KCTD3: variants seen among roughly 807,000 people sequenced by gnomAD.
The protein encoded by KCTD3 is potassium channel tetramerization domain containing 3.
KCTD3 carries 41 observed loss-of-function variants against 85.8 expected under a neutral mutation model. The observed-to-expected ratio is 0.48, with a 90% CI of 0.37 to 0.62. KCTD3 has a LOEUF of 0.62. Ranked by LOEUF, KCTD3 falls within the 20% of genes least tolerant of loss-of-function variation. The pLI is 0.00. For synonymous variants in KCTD3, 338 were observed against 345.4 expected, an observed-to-expected ratio of 0.98 and a Z score of 0.24; for missense variants, 724 against 989.9, an observed-to-expected ratio of 0.73 and a Z score of 3.60.
intron 17 of KCTD3, 32 bp from the exon 18 acceptor site, chr1:215,620,025 C>T: frequency 6.7e-7 from 1 of 1,501,682 alleles, no homozygotes; most frequent in Middle Eastern, 1.8e-4. Context: ...AGAGTGAAAT[C>T]TGAACTGTCA....
chr1:215,579,961 G>A lies in KCTD3; in HGVS notation c.588G>A (p.Trp196Ter). 1 of 1,613,290 alleles carries A rather than the reference G, an allele frequency of 6.2e-7. No homozygotes were observed. The highest frequency in any genetic ancestry group is 8.5e-7 in the Non-Finnish European group (1 of 1,179,226). Residue 196 changes from tryptophan to a stop codon, truncating the protein, a stop_gained, in exon 8 of 18, where the codon TGG becomes TGA. Coordinates refer to ENST00000259154, the MANE Select transcript of KCTD3 (RefSeq NM_016121.5). LOFTEE classifies it high-confidence loss of function. ...KVLIVAGHHN[W>*]IVAAYAHFAV... The stretch of plus-strand genomic sequence containing the variant: ...TAATAGTAGCTGGCCATCACAACTG[G>A]ATTGTAGCTGCATATGCCCATTTTG...
In KCTD3 at chr1:215,575,972, A is replaced by C; in HGVS notation, c.255A>C (p.Leu85Phe). The C allele has an allele frequency of 6.8e-7, 1 of 1,469,244 alleles. No homozygotes were observed. The highest frequency in any genetic ancestry group is 9.4e-7 in the Non-Finnish European group (1 of 1,067,142). The allele number at this position is 1,469,244 out of a possible 1,614,324, so 91.0% of individuals were successfully genotyped here. The change falls in exon 4 of 18, where the codon TTA becomes TTC. Residue 85 changes from leucine (L) to phenylalanine (F), a missense_variant and splice_region_variant. Coordinates refer to ENST00000259154, the MANE Select transcript of KCTD3 (RefSeq NM_016121.5). ...TTCTTCGGACAAAAGAACTAGACTT[A>C]AGGTAAGAAATGCACTCTTTTTAAA... ...LNFLRTKELD[L>F]RGVSINVLRH...
Position 215,602,141 on chromosome 1 carries a change from T to TAAGC in KCTD3, c.1079_1080insAGCA (p.Tyr360Ter). 1.2e-6 allele frequency: 2 copies of TAAGC among 1,611,740 alleles called. No homozygotes were observed. ...TAATGATCTTCTTGTAACTGAACTG[T>TAAGC]ATCATGATCCTTCAAATGATGCTAT... On this transcript the variant is annotated stop_gained and frameshift_variant, in exon 12 of 18. Coordinates refer to ENST00000259154, the MANE Select transcript of KCTD3 (RefSeq NM_016121.5). LOFTEE classifies it high-confidence loss of function.
rs563893661 is a variant in KCTD3, at chr1:215,600,965, T to C, written c.934-902T>C. ...TTTTTTTTTTTTTTTGGATACCAAGTCTCACTCTGTTGCCCAGGCTGGAGT... is the reference window on the plus strand; with the variant it reads ...TTTTTTTTTTTTTTTGGATACCAAGCCTCACTCTGTTGCCCAGGCTGGAGT... On this transcript the variant is annotated intron_variant, in intron 10 of 17. Transcript: ENST00000259154. Among the ~76,000 whole-genome samples, 8 of 151,810 alleles carry C rather than the reference T, an allele frequency of 5.3e-5. No homozygotes were observed. In the East Asian group the frequency reaches 1.6e-3, roughly 30 times the overall value.
intron 1 of KCTD3, among the ~76,000 whole-genome samples, chr1:215,571,590 C>T (rs1659369871): frequency 6.6e-6 from 1 of 151,394 alleles, no homozygotes; most frequent in Non-Finnish European, 1.5e-5. Flanking sequence ...CTTTTCCTTA[C>T]AAATTGTAAA....
chr1:215,616,482 C>T (rs369520649), intron 15 of KCTD3, among the ~76,000 whole-genome samples: 30 of 152,212 alleles, frequency 2.0e-4, no homozygotes, highest in Admixed American at 1.2e-3. Flanking sequence ...ACTTCCAGGC[C>T]GGGTGCGGTG....
intron 13 of KCTD3, among the ~76,000 whole-genome samples, chr1:215,606,415 C>G (rs1204562730): frequency 6.6e-6 from 1 of 152,014 alleles, no homozygotes; most frequent in Non-Finnish European, 1.5e-5. Flanking sequence ...AGAAAATTCT[C>G]CAATAGCAGA....
chr1:215,571,268 T>C (rs1239697334), intron 1 of KCTD3, among the ~76,000 whole-genome samples: 1 of 152,200 alleles, frequency 6.6e-6, no homozygotes, highest in Non-Finnish European at 1.5e-5. Flanking sequence ...TTGAGTGGAT[T>C]TGCTTTGATT....
intron 17 of KCTD3, 151 bp downstream of exon 17, chr1:215,619,442 C>A: frequency 1.5e-6 from 1 of 678,522 alleles, no homozygotes; most frequent in Non-Finnish European, 2.3e-6. Context: ...ACAGTTTTAC[C>A]AAATTTCTTG....
At position 215,600,712 on chromosome 1, in the gene KCTD3, C is replaced by T. The variant is rs542819506; in HGVS notation, c.934-1155C>T. On this transcript the variant is annotated intron_variant, in intron 10 of 17. Transcript: ENST00000259154. ...TAGATTTTAACTTTTCAAATGAAAGCCAGGTATAGTATATGAAAAGTAAAA... is the reference window on the plus strand; with the variant it reads ...TAGATTTTAACTTTTCAAATGAAAGTCAGGTATAGTATATGAAAAGTAAAA... Among the ~76,000 whole-genome samples the T allele has an allele frequency of 4.6e-5, 7 of 152,142 alleles. No homozygotes were observed. In the South Asian group the frequency reaches 1.5e-3, roughly 32 times the overall value.
At chr1:215,583,577 C>T (rs1014198301) in intron 8 of KCTD3, among the ~76,000 whole-genome samples, 5 of 152,122 alleles carry the variant, frequency 3.3e-5, no homozygotes, top group African/African-American at 1.2e-4. Flanking sequence ...ACTAAGAATG[C>T]CTAACCTCCT....
chr1:215,567,728 G>C lies in KCTD3; in HGVS notation c.43G>C (p.Gly15Arg). The change falls in exon 1 of 18, where the codon GGC (glycine) becomes CGC (arginine). Residue 15 changes from glycine to arginine, a missense_variant. This residue lies in a region of KCTD3 where 97 missense variants were observed against 115.7 expected (regional missense o/e 0.84). Coordinates refer to ENST00000259154, the MANE Select transcript of KCTD3 (RefSeq NM_016121.5). ...HCGSFPAAAAGSGEIVQLNVG... is the reference protein window; with the variant it reads ...HCGSFPAAAARSGEIVQLNVG... The stretch of plus-strand genomic sequence containing the variant: ...CGGCAGCTTCCCCGCGGCGGCGGCC[G>C]GCAGCGGCGAGATCGTCCAACTGAA... 1 of 1,243,744 alleles carries C rather than the reference G, an allele frequency of 8.0e-7. No homozygotes were observed. 77.0% of individuals were successfully genotyped at this position (1,243,744 alleles called of 1,614,324 possible).
chr1:215,579,295 A>T (rs1412912488), intron 7 of KCTD3, among the ~76,000 whole-genome samples, 158 bp downstream of exon 7: 2 of 152,154 alleles, frequency 1.3e-5, no homozygotes, highest in Non-Finnish European at 2.9e-5. Context: ...CTTAATTTTT[A>T]TTTAAAATGT....
chr1:215,607,993 T>A, intron 13 of KCTD3, 24 bp from the exon 14 acceptor site: 2 of 1,577,126 alleles, frequency 1.3e-6, no homozygotes, highest in Non-Finnish European at 1.7e-6. Flanking sequence ...TTTTGTATTC[T>A]TTTGTGTTCT....
chr1:215,571,577 A>G (rs1212448790), intron 1 of KCTD3, among the ~76,000 whole-genome samples: 1 of 152,062 alleles, frequency 6.6e-6, no homozygotes, highest in Non-Finnish European at 1.5e-5. Context: ...CAATGAAAGA[A>G]TACTTTTCCT....
rs372952944 is a variant in KCTD3, at chr1:215,617,597, A to G, written c.1563-1289A>G. Among the ~76,000 whole-genome samples the G allele has an allele frequency of 7.0e-4, 107 of 151,804 alleles. 1 individual carries two copies. The highest frequency in any genetic ancestry group is 2.5e-3 in the African/African-American group (103 of 41,380). On this transcript the variant is annotated intron_variant, in intron 15 of 17. Transcript: ENST00000259154. ...GTATATTGATTATTTTGAGGTGAAA[A>G]CATTAGAGAAATTGTCATTTCAGAA...
rs754717304 is a variant in KCTD3 at position 215,604,172 on chromosome 1, C to A, written c.1179C>A (p.Ser393Arg). The change falls in exon 13 of 18, where the codon AGC becomes AGA. Residue 393 changes from serine (S) to arginine (R), a missense_variant. This residue lies in a region of KCTD3 where 146 missense variants were observed against 320.3 expected (regional missense o/e 0.46). Transcript: ENST00000259154. ...GGATCGAGATCGCCTATGGTACGAG[C>A]TCTGGAGCAGTACGAGTGATTGTAC... ...GNWIEIAYGTSSGAVRVIVQH... is the reference protein window; with the variant it reads ...GNWIEIAYGTRSGAVRVIVQH... 6.2e-7 allele frequency: 1 copy of A among 1,613,562 alleles called. No homozygotes were observed. The highest frequency in any genetic ancestry group is 1.3e-5 in the African/African-American group (1 of 74,850).
rs1409021209 is a variant in KCTD3, at chr1:215,573,768, G to T, written c.84-18G>T. On this transcript the variant is annotated intron_variant, in intron 1 of 17. Transcript: ENST00000259154. ...AATCATGTTCTCACTTATAATACCAGATGATTTTTAATTGCAGATTTAGTA... is the reference window on the plus strand; with the variant it reads ...AATCATGTTCTCACTTATAATACCATATGATTTTTAATTGCAGATTTAGTA... 8.7e-6 allele frequency: 13 copies of T among 1,493,498 alleles called. No individual in the cohort carries two copies. The highest frequency in any genetic ancestry group is 1.2e-5 in the Non-Finnish European group (13 of 1,087,204). 92.5% of individuals were successfully genotyped at this position (1,493,498 alleles called of 1,614,324 possible).
chr1:215,596,317 T>A (rs1264049176), intron 10 of KCTD3, among the ~76,000 whole-genome samples: 3 of 152,148 alleles, frequency 2.0e-5, no homozygotes, highest in Non-Finnish European at 4.4e-5. Context: ...ATCCCTATGG[T>A]TGTTCAAGTG....
Sources: gnomAD v4.1 joint callset for allele counts (sites outside exome capture counted in the v4.1 genomes callset) on GRCh38, gnomAD v4.1.1 for gene constraint, gnomAD v4.1.1 regional missense constraint, MANE v1.5 for transcripts, NCBI Gene and HGNC (gene_info 2026-07-23, HGNC 2026-07-21) for gene names.